AMBN: variants seen among roughly 807,000 people sequenced by gnomAD.
AMBN encodes ameloblastin.
A neutral mutation model predicts 48.0 loss-of-function variants in AMBN; 54 were observed. The observed-to-expected ratio is 1.12, with a 90% CI of 0.90 to 1.41. The LOEUF (loss-of-function observed/expected upper bound fraction) is 1.41, where lower values mean the gene tolerates loss of function less well. AMBN is among the 40% of genes most tolerant of loss of function. The pLI, the probability that AMBN is intolerant of heterozygous loss-of-function variation, is 0.00. For synonymous variants in AMBN, 186 were observed against 190.0 expected (o/e 0.98, Z 0.17); for missense variants, 571 against 547.3 (o/e 1.04, Z -0.43).
intron 2 of AMBN, among the ~76,000 whole-genome samples, chr4:70,596,282 A>G (rs567484088): frequency 1.3e-4 from 19 of 150,020 alleles, no homozygotes; most frequent in African/African-American, 3.7e-4. Context: ...TTAGTCTCAA[A>G]AAAAAAAAAA....
At chr4:70,599,510 A>G (rs1303850473) in intron 4 of AMBN, 26 bp from the exon 5 acceptor site, 1 of 1,469,358 alleles carries the variant, frequency 6.8e-7, no homozygotes, top group Admixed American at 1.9e-5. Flanking sequence ...AAATATAAGC[A>G]TGTCTTTTTT....
intron 5 of AMBN, among the ~76,000 whole-genome samples, chr4:70,601,075 C>T (rs1287060883): frequency 6.6e-6 from 1 of 152,060 alleles, no homozygotes; most frequent in African/African-American, 2.4e-5. Flanking sequence ...AGATTTATAA[C>T]AAATAATTAT....
rs769200833 is a variant in AMBN at position 70,603,927 on chromosome 4, T to C, written c.798+6T>C. The C allele has an allele frequency of 8.1e-6, 13 of 1,613,492 alleles. No individual in the cohort carries two copies. The highest frequency in any genetic ancestry group is 1.1e-5 in the Non-Finnish European group (13 of 1,179,646). On this transcript the variant is annotated splice_donor_region_variant and intron_variant, in intron 12 of 12. Transcript: ENST00000322937. ...TGAGTTCAGAAGAAGTGGCAGTGAG[T>C]AATGTCTTCTAACTCTTCTTAAAAT... is the stretch of plus-strand genomic sequence containing the variant.
At chr4:70,598,308 A>C in intron 3 of AMBN, 48 bp from the exon 4 acceptor site, 3 of 1,383,918 alleles carry the variant, frequency 2.2e-6, no homozygotes, top group South Asian at 1.6e-5. Context: ...CAGTTGTGTC[A>C]AACACAGCAT....
intron 12 of AMBN, among the ~76,000 whole-genome samples, chr4:70,604,385 C>A (rs1454751579): frequency 3.9e-5 from 6 of 152,128 alleles, no homozygotes; most frequent in Non-Finnish European, 1.5e-5. Context: ...TTATAAATGT[C>A]AATGTGCATT....
chr4:70,603,666 G>T (rs567483718), intron 11 of AMBN, among the ~76,000 whole-genome samples: 123 of 151,560 alleles, frequency 8.1e-4, no homozygotes, highest in African/African-American at 3.0e-3. Context: ...GCACACACAC[G>T]CACACAAGGG....
At chr4:70,600,379 G>A (rs1737491453) in intron 5 of AMBN, among the ~76,000 whole-genome samples, 1 of 151,506 alleles carries the variant, frequency 6.6e-6, no homozygotes, top group Non-Finnish European at 1.5e-5. Flanking sequence ...ATATCAATCT[G>A]TTAACCATTA....
chr4:70,599,039 T>C (rs538594739), intron 4 of AMBN, among the ~76,000 whole-genome samples: 49 of 151,064 alleles, frequency 3.2e-4, no homozygotes, highest in African/African-American at 1.2e-3. Flanking sequence ...CCTCCCAAAG[T>C]GCTGGGATTA....
chr4:70,606,364 C>G lies in AMBN; in HGVS notation c.978C>G (p.Ser326=), dbSNP rs765462707. Residue 326 remains serine (S), a synonymous_variant, in exon 13 of 13, where the codon TCC becomes TCG. Transcript: ENST00000322937. ...ACGAAGAAGGAGGTGCACAAGGCTC[C>G]CCTATGCCGGAGGCCAACCCAGACA... is the stretch of plus-strand genomic sequence containing the variant. ...PENEEGGAQG[S]PMPEANPDNL... 1 of 1,613,988 alleles carries G rather than the reference C, an allele frequency of 6.2e-7. No individual in the cohort carries two copies. The highest frequency in any genetic ancestry group is 1.1e-5 in the South Asian group (1 of 91,072).
At chr4:70,598,428 A>G (rs1178264670) in intron 4 of AMBN, 25 bp downstream of exon 4, 6 of 1,566,440 alleles carry the variant, frequency 3.8e-6, no homozygotes, top group Non-Finnish European at 5.2e-6. Flanking sequence ...TATTGCAAGT[A>G]TTCATGGTGG....
intron 4 of AMBN, 43 bp downstream of exon 4, chr4:70,598,446 G>A: frequency 6.9e-7 from 1 of 1,456,024 alleles, no homozygotes; most frequent in South Asian, 1.3e-5. Flanking sequence ...TGGTGGTAGT[G>A]TTAATATTAG....
intron 6 of AMBN, chr4:70,601,982 G>T: frequency 2.1e-6 from 1 of 483,526 alleles, no homozygotes; most frequent in Non-Finnish European, 4.0e-6. Flanking sequence ...GGTCTTTTTT[G>T]GTATTGGAAA....
chr4:70,593,516 A>C (rs1737321410), intron 2 of AMBN, 121 bp downstream of exon 2: 1 of 792,796 alleles, frequency 1.3e-6, no homozygotes, highest in Admixed American at 2.6e-5. Flanking sequence ...CCAGTGGTTT[A>C]GTCCTATTGA....
At chr4:70,600,555 C>T (rs1416211897) in intron 5 of AMBN, among the ~76,000 whole-genome samples, 1 of 152,138 alleles carries the variant, frequency 6.6e-6, no homozygotes, top group Non-Finnish European at 1.5e-5. Context: ...GTAATGAATA[C>T]TGCGTGAGCT....
chr4:70,597,039 T>G lies in AMBN; in HGVS notation c.125T>G (p.Leu42Trp). 1 of 1,613,294 alleles carries G rather than the reference T, an allele frequency of 6.2e-7. No homozygotes were observed. Among genetic ancestry groups the G allele is most frequent in the Non-Finnish European group, 8.5e-7 (1 of 1,179,388 alleles). ...QQSGTPGMAS[L>W]SLETMRQLGS... Reference sequence around the variant, plus strand: ...TCTGGAACACCGGGTATGGCTAGTTTGAGCCTTGAGGTATGTATTGTCAGA... The same window carrying G: ...TCTGGAACACCGGGTATGGCTAGTTGGAGCCTTGAGGTATGTATTGTCAGA... The change falls in exon 3 of 13, where the codon TTG (leucine) becomes TGG (tryptophan). Residue 42 changes from leucine (L) to tryptophan (W), a missense_variant. Physicochemically the swap from Leu to Trp is moderately conservative, Grantham distance 61. Coordinates refer to ENST00000322937, the MANE Select transcript of AMBN (RefSeq NM_016519.6).
In AMBN at chr4:70,606,362, TC is replaced by T; in HGVS notation, c.980del (p.Pro327LeufsTer10). The T allele has an allele frequency of 6.2e-7, 1 of 1,613,874 alleles. No homozygotes were observed. The highest frequency in any genetic ancestry group is 8.5e-7 in the Non-Finnish European group (1 of 1,179,970). ...GAACGAAGAAGGAGGTGCACAAGGC[TC>T]CCCTATGCCGGAGGCCAACCCAGAC... ...PENEEGGAQG[S>X]PMPEANPDNL... On this transcript the variant is annotated frameshift_variant, in exon 13 of 13. Transcript: ENST00000322937. LOFTEE classifies it low-confidence loss of function (END_TRUNC).
intron 2 of AMBN, among the ~76,000 whole-genome samples, chr4:70,594,411 G>A (rs1737347440): frequency 6.6e-6 from 1 of 152,188 alleles, no homozygotes; most frequent in Non-Finnish European, 1.5e-5. Context: ...ATGTTGAGCA[G>A]CTGCCATGCA....
chr4:70,592,504 T>C (rs1229794332), intron 1 of AMBN, 131 bp downstream of exon 1: 3 of 986,000 alleles, frequency 3.0e-6, no homozygotes, highest in Non-Finnish European at 4.7e-6. Flanking sequence ...TGTAATCCAT[T>C]AGCATGTCCC....
At chr4:70,597,197 T>C in intron 3 of AMBN, 148 bp downstream of exon 3, 1 of 606,408 alleles carries the variant, frequency 1.6e-6, no homozygotes, top group Non-Finnish European at 2.8e-6. Context: ...TGACATTTAC[T>C]AGAGCTTTGT....
Sources: allele counts gnomAD v4.1 joint callset (sites outside exome capture counted in the v4.1 genomes callset), GRCh38; gene constraint gnomAD v4.1.1; transcripts MANE v1.5; gene names NCBI Gene and HGNC (gene_info 2026-07-23, HGNC 2026-07-21).